Variants in WFIKKN2 observed in about 807,000 individuals in gnomAD.
WFIKKN2 encodes the protein WAP, follistatin/kazal, immunoglobulin, kunitz and netrin domain containing 2.
A neutral mutation model predicts 39.2 loss-of-function variants in WFIKKN2; 25 were observed. That is an observed-to-expected ratio of 0.64 (90% CI 0.47 to 0.89). The LOEUF is 0.89. Ranked by LOEUF, WFIKKN2 falls within the 40% of genes least tolerant of loss-of-function variation. The pLI is 0.00. For missense variants in WFIKKN2, 770 were observed against 811.7 expected (o/e 0.95, Z 0.62); for synonymous variants, 345 against 329.7 (o/e 1.05, Z -0.50).
In WFIKKN2 at chr17:50,840,579, GC is replaced by G. The variant is rs757692272; in HGVS notation, c.1293del (p.Cys432ValfsTer41). Reference sequence around the variant, plus strand: ...TGGCAACAACTTTGAGAGCCGTGAGGCCTGTGAGGAGTCGTGCCCCTTCCCC... The same window carrying G: ...TGGCAACAACTTTGAGAGCCGTGAGGCTGTGAGGAGTCGTGCCCCTTCCCC... ...GNGNNFESRE[A>X]CEESCPFPRG... is the part of the protein sequence containing the mutation. On this transcript the variant is annotated frameshift_variant, in exon 2 of 2. Coordinates refer to ENST00000311378, the MANE Select transcript of WFIKKN2 (RefSeq NM_175575.6). LOFTEE classifies it high-confidence loss of function. 1.2e-6 allele frequency: 2 copies of G among 1,614,052 alleles called. No individual in the cohort carries two copies. Among genetic ancestry groups the G allele is most frequent in the East Asian group, 4.5e-5 (2 of 44,872 alleles).
At chr17:50,836,849 G>T (rs1971966726) in intron 1 of WFIKKN2, among the ~76,000 whole-genome samples, 1 of 152,206 alleles carries the variant, frequency 6.6e-6, no homozygotes, top group African/African-American at 2.4e-5. Context: ...AGTGATGGGG[G>T]TGGGAGCCAC....
chr17:50,836,370 A>G (rs761576025), intron 1 of WFIKKN2, among the ~76,000 whole-genome samples: 260 of 63,054 alleles, frequency 4.1e-3, no homozygotes, highest in Middle Eastern at 0.014. Context: ...GACCAGGTGA[A>G]TGGGGTCCAG....
Position 50,836,157 on chromosome 17 carries a change from G to T in WFIKKN2, c.210+10G>T. On this transcript the variant is annotated intron_variant, in intron 1 of 1. Coordinates refer to ENST00000311378, the MANE Select transcript of WFIKKN2 (RefSeq NM_175575.6). ...GTGTGAGACGGACCAGGTGAGTGGG[G>T]TCCAGAGACCAGAGATGGACCACGT... 1 of 1,611,756 alleles carries T rather than the reference G, an allele frequency of 6.2e-7. No homozygotes were observed. Among genetic ancestry groups the T allele is most frequent in the Non-Finnish European group, 8.5e-7 (1 of 1,179,112 alleles).
At position 50,839,549 on chromosome 17, in the gene WFIKKN2, C is replaced by T. The variant is rs1972002928; in HGVS notation, c.261C>T (p.Ser87=). ...KCCPNVCGTK[S]CVAARYMDVK... ...GCCCCAACGTATGTGGGACCAAGAG[C>T]TGCGTGGCGGCCCGCTACATGGACG... The change falls in exon 2 of 2, where the codon AGC becomes AGT. Residue 87 remains serine, a synonymous_variant. Coordinates refer to ENST00000311378, the MANE Select transcript of WFIKKN2 (RefSeq NM_175575.6). 3 of 1,614,038 alleles carry T rather than the reference C, an allele frequency of 1.9e-6. No individual in the cohort carries two copies. Among genetic ancestry groups the T allele is most frequent in the Non-Finnish European group, 2.5e-6 (3 of 1,180,016 alleles).
intron 1 of WFIKKN2, among the ~76,000 whole-genome samples, chr17:50,837,812 G>T (rs186137180): frequency 1.3e-5 from 2 of 152,330 alleles, no homozygotes; most frequent in East Asian, 3.9e-4. Flanking sequence ...CTCCCATCTG[G>T]CCAAGGTCAT....
Position 50,840,145 on chromosome 17 carries a change from C to T in WFIKKN2, c.857C>T (p.Thr286Ile). The T allele has an allele frequency of 1.2e-6, 2 of 1,613,982 alleles. No individual in the cohort carries two copies. Among genetic ancestry groups the T allele is most frequent in the Non-Finnish European group, 1.7e-6 (2 of 1,179,982 alleles). Residue 286 changes from threonine to isoleucine, a missense_variant, in exon 2 of 2, where the codon ACC (threonine) becomes ATC (isoleucine). Thr to Ile is a moderately conservative substitution (Grantham distance 89, BLOSUM62 -1). Coordinates refer to ENST00000311378, the MANE Select transcript of WFIKKN2 (RefSeq NM_175575.6). ...NAQLQDAGIY[T>I]CTARNVAGVL... ...CAGCTGCAGGATGCTGGGATCTACA[C>T]CTGCACGGCCCGGAACGTGGCTGGG...
At position 50,841,169 on chromosome 17, in the gene WFIKKN2, T is replaced by C. The variant is rs1271400823; in HGVS notation, c.*150T>C. ...GTCACAGAAAAAGCCACAGAAGGTC[T>C]CAGATCAGCATCTATTCTTTGGGTT... On this transcript the variant is annotated 3_prime_UTR_variant, in exon 2 of 2. Coordinates refer to ENST00000311378, the MANE Select transcript of WFIKKN2 (RefSeq NM_175575.6). 1.3e-6 allele frequency: 1 copy of C among 754,324 alleles called. No individual in the cohort carries two copies. The highest frequency in any genetic ancestry group is 2.0e-6 in the Non-Finnish European group (1 of 488,704). 46.7% of individuals were successfully genotyped at this position (754,324 alleles called of 1,614,324 possible).
Position 50,836,091 on chromosome 17 carries a change from C to A in WFIKKN2, c.154C>A (p.Pro52Thr), listed in dbSNP as rs747460352. ...HAGICPNDMN[P>T]NLWVDAQSTC... The stretch of plus-strand genomic sequence containing the variant: ...CGGCATCTGCCCCAACGACATGAAT[C>A]CCAACCTCTGGGTGGACGCACAGAG... The change falls in exon 1 of 2, where the codon CCC becomes ACC. Residue 52 changes from proline to threonine, a missense_variant. By Grantham distance (38) the Pro-to-Thr change is conservative (BLOSUM62 -1). Coordinates refer to ENST00000311378, the MANE Select transcript of WFIKKN2 (RefSeq NM_175575.6). 1.2e-6 allele frequency: 2 copies of A among 1,612,472 alleles called. No homozygotes were observed. Among genetic ancestry groups the A allele is most frequent in the Admixed American group, 3.3e-5 (2 of 59,828 alleles).
Position 50,840,418 on chromosome 17 carries a change from C to T in WFIKKN2, c.1130C>T (p.Ala377Val). The T allele has an allele frequency of 6.2e-7, 1 of 1,614,042 alleles. No homozygotes were observed. Among genetic ancestry groups the T allele is most frequent in the Non-Finnish European group, 8.5e-7 (1 of 1,179,986 alleles). Reference sequence around the variant, plus strand: ...GAGACCTATGAGGCCTGCATGCTGGCCTGCATGAGCGGGCCGCTGGCCGCG... The same window carrying T: ...GAGACCTATGAGGCCTGCATGCTGGTCTGCATGAGCGGGCCGCTGGCCGCG... ...HFETYEACML[A>V]CMSGPLAACS... The change falls in exon 2 of 2, where the codon GCC (alanine) becomes GTC (valine). Residue 377 changes from alanine to valine, a missense_variant. Physicochemically the swap from Ala to Val is moderately conservative, Grantham distance 64. Coordinates refer to ENST00000311378, the MANE Select transcript of WFIKKN2 (RefSeq NM_175575.6).
Position 50,835,931 on chromosome 17 carries a change from C to T in WFIKKN2, c.-7C>T. On this transcript the variant is annotated 5_prime_UTR_variant, in exon 1 of 2. Transcript: ENST00000311378. ...AGGGGAGGTCTCTAGCCGCCCCAGC[C>T]TGCACCATGTGGGCCCCAAGGTGTC... 1 of 1,610,372 alleles carries T rather than the reference C, an allele frequency of 6.2e-7. No individual in the cohort carries two copies. Among genetic ancestry groups the T allele is most frequent in the Non-Finnish European group, 8.5e-7 (1 of 1,178,432 alleles).
At chr17:50,837,764 G>C (rs929180534) in intron 1 of WFIKKN2, among the ~76,000 whole-genome samples, 4 of 152,264 alleles carry the variant, frequency 2.6e-5, no homozygotes, top group Admixed American at 1.3e-4. Context: ...GTGGTGCCAA[G>C]TGAAAGGAAG....
chr17:50,837,567 G>A (rs1267929663), intron 1 of WFIKKN2, among the ~76,000 whole-genome samples: 2 of 152,224 alleles, frequency 1.3e-5, no homozygotes, highest in Non-Finnish European at 2.9e-5. Context: ...AGGGCAGCAC[G>A]GAGTCTCCCA....
chr17:50,840,618 C>T lies in WFIKKN2; in HGVS notation c.1330C>T (p.Arg444Cys), dbSNP rs931183800. 3.7e-6 allele frequency: 6 copies of T among 1,613,866 alleles called. No individual in the cohort carries two copies. The highest frequency in any genetic ancestry group is 2.7e-5 in the African/African-American group (2 of 74,952). Residue 444 changes from arginine to cysteine, a missense_variant, in exon 2 of 2, where the codon CGC (arginine) becomes TGC (cysteine). Physicochemically the swap from Arg to Cys is radical, Grantham distance 180 (BLOSUM62 -3). Coordinates refer to ENST00000311378, the MANE Select transcript of WFIKKN2 (RefSeq NM_175575.6). ...ESCPFPRGNQ[R>C]CRACKPRQKL... Reference sequence around the variant, plus strand: ...GTGCCCCTTCCCCAGGGGGAACCAGCGCTGTCGGGCCTGCAAGCCTCGGCA... The same window carrying T: ...GTGCCCCTTCCCCAGGGGGAACCAGTGCTGTCGGGCCTGCAAGCCTCGGCA...
Position 50,841,089 on chromosome 17 carries a change from C to G in WFIKKN2, c.*70C>G, listed in dbSNP as rs1460243666. On this transcript the variant is annotated 3_prime_UTR_variant, in exon 2 of 2. Coordinates refer to ENST00000311378, the MANE Select transcript of WFIKKN2 (RefSeq NM_175575.6). Reference sequence around the variant, plus strand: ...ATCCACCCCAATGCCTCTCAGCAAACTGGGCGAGGTCAGATTAGACAGGCT... The same window carrying G: ...ATCCACCCCAATGCCTCTCAGCAAAGTGGGCGAGGTCAGATTAGACAGGCT... The G allele has an allele frequency of 1.3e-5, 19 of 1,430,576 alleles. No individual in the cohort carries two copies. Among genetic ancestry groups the G allele is most frequent in the Non-Finnish European group, 1.8e-5 (19 of 1,078,504 alleles). 88.6% of individuals were successfully genotyped at this position (1,430,576 alleles called of 1,614,324 possible). A position where few individuals can be genotyped will look rare whatever the true frequency, so the allele number is the denominator to read the frequency against.
At position 50,840,123 on chromosome 17, in the gene WFIKKN2, C is replaced by T. The variant is rs1358203343; in HGVS notation, c.835C>T (p.Leu279=). The T allele has an allele frequency of 1.9e-6, 3 of 1,607,456 alleles. No homozygotes were observed. The Admixed American group carries it at 5.0e-5, about 27-fold the overall frequency. Residue 279 remains leucine, a synonymous_variant, in exon 2 of 2, where the codon CTG becomes TTG. Transcript: ENST00000311378. ...CCAGCTGGTCATCTATAACGCCCAG[C>T]TGCAGGATGCTGGGATCTACACCTG... ...IAQLVIYNAQ[L]QDAGIYTCTA... is the part of the protein sequence containing the mutation.
At position 50,839,668 on chromosome 17, in the gene WFIKKN2, A is replaced by G. The variant is rs768393898; in HGVS notation, c.380A>G (p.Asp127Gly). 8 of 1,614,240 alleles carry G rather than the reference A, an allele frequency of 5.0e-6. No homozygotes were observed. The South Asian group carries it at 7.7e-5, about 16-fold the overall frequency. ...LQQGSECDIW[D>G]GQPVCKCKDR... Reference sequence around the variant, plus strand: ...CAGGGCTCTGAGTGTGACATCTGGGATGGCCAGCCCGTGTGTAAGTGCAAA... The same window carrying G: ...CAGGGCTCTGAGTGTGACATCTGGGGTGGCCAGCCCGTGTGTAAGTGCAAA... The change falls in exon 2 of 2, where the codon GAT becomes GGT. Residue 127 changes from aspartate to glycine, a missense_variant. Physicochemically the swap from Asp to Gly is moderately conservative, Grantham distance 94 (BLOSUM62 -1). Coordinates refer to ENST00000311378, the MANE Select transcript of WFIKKN2 (RefSeq NM_175575.6).
At chr17:50,837,270 C>A (rs889349810) in intron 1 of WFIKKN2, among the ~76,000 whole-genome samples, 1 of 152,178 alleles carries the variant, frequency 6.6e-6, no homozygotes, top group African/African-American at 2.4e-5. Flanking sequence ...GGAGTTTGGA[C>A]CCTGAGCCTG....
In WFIKKN2 at chr17:50,835,846, C is replaced by T. The variant is rs756967359; in HGVS notation, c.-92C>T. ...AGGAAACCTGCTGGGGTGGGGAGGG[C>T]AGGTGTCTGCAGCCCCTGAGAAGAA... On this transcript the variant is annotated 5_prime_UTR_variant, in exon 1 of 2. Transcript: ENST00000311378. 4.4e-6 allele frequency: 6 copies of T among 1,377,494 alleles called. No homozygotes were observed. Among genetic ancestry groups the T allele is most frequent in the Non-Finnish European group, 5.9e-6 (6 of 1,020,246 alleles). The allele number at this position is 1,377,494 out of a possible 1,614,324, so 85.3% of individuals were successfully genotyped here. A position where few individuals can be genotyped will look rare whatever the true frequency, so the allele number is the denominator to read the frequency against.
At chr17:50,834,955 G>C (rs535925913), upstream of WFIKKN2, 2 of 152,516 alleles carry the variant, frequency 1.3e-5, no homozygotes, top group South Asian at 4.1e-4. Flanking sequence ...CTGTGACCGC[G>C]GAGGTTTTCT....
Sources: allele counts gnomAD v4.1 joint callset (sites outside exome capture counted in the v4.1 genomes callset), GRCh38; gene constraint gnomAD v4.1.1; transcripts MANE v1.5; gene names NCBI Gene and HGNC (gene_info 2026-07-23, HGNC 2026-07-21).